MBD2: variants seen among roughly 807,000 people sequenced by gnomAD.
MBD2 encodes the protein methyl-CpG-binding domain protein 2.
MBD2 carries 9 observed loss-of-function variants against 39.3 expected under a neutral mutation model. The ratio of observed to expected loss-of-function variants is 0.23; its 90% CI spans 0.14 to 0.40. The LOEUF (loss-of-function observed/expected upper bound fraction) is 0.40, where lower values mean the gene tolerates loss of function less well. Ranked by LOEUF, MBD2 falls within the 10% of genes least tolerant of loss-of-function variation. MBD2 has a pLI of 1.00. For synonymous variants in MBD2, 233 were observed against 211.1 expected (o/e 1.10, Z -0.90); for missense variants, 458 against 532.6 (o/e 0.86, Z 1.38).
chr18:54,192,963 A>G (rs1446155203), intron 2 of MBD2, among the ~76,000 whole-genome samples: 1 of 152,146 alleles, frequency 6.6e-6, no homozygotes, highest in Non-Finnish European at 1.5e-5. Context: ...ACTCAATCTT[A>G]TTTTGGTTTT....
intron 3 of MBD2, among the ~76,000 whole-genome samples, chr18:54,178,546 C>G (rs1439334223): frequency 6.6e-6 from 1 of 151,620 alleles, no homozygotes; most frequent in Non-Finnish European, 1.5e-5. Flanking sequence ...AAATAGCAAA[C>G]AAATACAGGC....
rs1244130440 is a variant in MBD2 at position 54,189,067 on chromosome 18, A to G, written c.703-56T>C. On this transcript the variant is annotated intron_variant, in intron 2 of 6. Transcript: ENST00000256429. ...TATTATATATAAACACAATCAGATG[A>G]CTTCCTACTAATTCAATATCTATTA... 7.7e-6 allele frequency: 9 copies of G among 1,169,306 alleles called. No homozygotes were observed. The Admixed American group carries it at 2.0e-4, about 26-fold the overall frequency. The allele number at this position is 1,169,306 out of a possible 1,614,324, so 72.4% of individuals were successfully genotyped here.
chr18:54,155,859 G>A (rs2086048195), intron 6 of MBD2, among the ~76,000 whole-genome samples: 1 of 152,120 alleles, frequency 6.6e-6, no homozygotes, highest in Non-Finnish European at 1.5e-5. Flanking sequence ...CTCATGTATA[G>A]CTAAATATAT....
chr18:54,221,366 G>A (rs1186686345), intron 1 of MBD2, among the ~76,000 whole-genome samples: 3 of 150,868 alleles, frequency 2.0e-5, no homozygotes, highest in African/African-American at 7.3e-5. Flanking sequence ...GCTGAGGCAG[G>A]AGAATGGCGT....
intron 1 of MBD2, among the ~76,000 whole-genome samples, chr18:54,210,721 A>G (rs2086496862): frequency 6.6e-6 from 1 of 152,180 alleles, no homozygotes; most frequent in African/African-American, 2.4e-5. Context: ...GGCTAGCTAG[A>G]TAGCTAAACA....
chr18:54,213,224 T>C (rs900704431), intron 1 of MBD2, among the ~76,000 whole-genome samples: 2 of 151,870 alleles, frequency 1.3e-5, no homozygotes, highest in African/African-American at 4.8e-5. Flanking sequence ...AACCGGGAGG[T>C]ACAGCAGGAG....
chr18:54,196,853 A>G (rs1296987387), intron 2 of MBD2, among the ~76,000 whole-genome samples: 1 of 152,206 alleles, frequency 6.6e-6, no homozygotes, highest in Admixed American at 6.5e-5. Context: ...TCTCATCAGC[A>G]AGCCTATTTG....
chr18:54,174,398 A>G (rs768650087), intron 3 of MBD2, among the ~76,000 whole-genome samples: 20 of 152,228 alleles, frequency 1.3e-4, no homozygotes, highest in Non-Finnish European at 2.6e-4. Flanking sequence ...GCCAGCATGC[A>G]CCATCACTGC....
At chr18:54,181,523 G>A (rs951368084) in intron 3 of MBD2, among the ~76,000 whole-genome samples, 1 of 151,308 alleles carries the variant, frequency 6.6e-6, no homozygotes. Context: ...TTTTTAAGAC[G>A]GATTCTTGCT....
At chr18:54,217,626 T>C (rs1188765421) in intron 1 of MBD2, among the ~76,000 whole-genome samples, 1 of 152,180 alleles carries the variant, frequency 6.6e-6, no homozygotes, top group Non-Finnish European at 1.5e-5. Flanking sequence ...CTATAGAATC[T>C]AAAAACCAAA....
chr18:54,173,686 G>A (rs964558267), intron 3 of MBD2, among the ~76,000 whole-genome samples: 3 of 152,252 alleles, frequency 2.0e-5, no homozygotes, highest in Admixed American at 6.5e-5. Context: ...TTTCATCCCT[G>A]TTGTTTCTCA....
intron 3 of MBD2, among the ~76,000 whole-genome samples, chr18:54,180,305 G>A (rs1300013181): frequency 6.6e-6 from 1 of 152,072 alleles, no homozygotes; most frequent in African/African-American, 2.4e-5. Flanking sequence ...TGATGAGCAT[G>A]TGGCAGAAAT....
intron 3 of MBD2, among the ~76,000 whole-genome samples, chr18:54,172,012 A>G (rs2086182615): frequency 6.6e-6 from 1 of 152,214 alleles, no homozygotes; most frequent in Admixed American, 6.5e-5. Context: ...ACTTCTACTC[A>G]TGCCATCAAA....
chr18:54,204,889 T>TG (rs2086437206), intron 2 of MBD2, 109 bp downstream of exon 2: 1 of 1,009,520 alleles, frequency 9.9e-7, no homozygotes, highest in East Asian at 2.4e-5. Flanking sequence ...TATGGGGACA[T>TG]GCACGGGACA....
chr18:54,171,373 G>A (rs1310072871), intron 3 of MBD2, among the ~76,000 whole-genome samples: 29 of 151,776 alleles, frequency 1.9e-4, no homozygotes, highest in Admixed American at 1.9e-3. Context: ...CTCCAGCCTG[G>A]GTGACAGAGC....
intron 1 of MBD2, among the ~76,000 whole-genome samples, chr18:54,212,829 G>T (rs2144344113): frequency 6.7e-6 from 1 of 149,784 alleles, no homozygotes; most frequent in South Asian, 2.1e-4. Context: ...ATGAGTTCAA[G>T]ACAAGCCTGG....
At chr18:54,168,936 G>A (rs2086158204) in intron 3 of MBD2, among the ~76,000 whole-genome samples, 1 of 151,866 alleles carries the variant, frequency 6.6e-6, no homozygotes, top group South Asian at 2.1e-4. Flanking sequence ...TTGTTTGGGC[G>A]GGGGACGAGG....
At chr18:54,178,500 G>C (rs2086227721) in intron 3 of MBD2, among the ~76,000 whole-genome samples, 1 of 151,646 alleles carries the variant, frequency 6.6e-6, no homozygotes, top group African/African-American at 2.4e-5. Flanking sequence ...AAAATAAAGA[G>C]ACTCAGAAAG....
intron 1 of MBD2, chr18:54,222,380 C>T (rs780124050): frequency 1.9e-6 from 1 of 518,250 alleles, no homozygotes; most frequent in Non-Finnish European, 3.9e-6. Flanking sequence ...ATCCTGGCCC[C>T]ACAGCCTGAG....
Sources: allele counts gnomAD v4.1 joint callset (sites outside exome capture counted in the v4.1 genomes callset), GRCh38; gene constraint gnomAD v4.1.1; transcripts MANE v1.5; gene names NCBI Gene and HGNC (gene_info 2026-07-23, HGNC 2026-07-21).